Variants in BRSK2 observed in about 807,000 individuals in gnomAD.
BRSK2 encodes BR serine/threonine kinase 2.
BRSK2 carries 19 observed loss-of-function variants against 83.3 expected under a neutral mutation model. That is an observed-to-expected ratio of 0.23 (90% confidence interval 0.16 to 0.33). The LOEUF (loss-of-function observed/expected upper bound fraction) is 0.33. Among genes scored for constraint, BRSK2 ranks in the 10% least tolerant of loss-of-function variants. The pLI is 1.00. For missense variants in BRSK2, 798 were observed against 1,042.3 expected (o/e 0.77, Z 3.23); for synonymous variants, 519 against 435.4 (o/e 1.19, Z -2.39).
Position 1,449,765 on chromosome 11 carries a change from G to A in BRSK2, c.1227-11G>A, listed in dbSNP as rs1431192563. The A allele has an allele frequency of 6.2e-7, 1 of 1,611,286 alleles. No homozygotes were observed. The highest frequency in any genetic ancestry group is 8.5e-7 in the Non-Finnish European group (1 of 1,179,054). ...TGGCTGAGCAGTGGCCCTGTACCTT[G>A]TGACCTCCAGGTCTCGGTCCATCAG... is the stretch of plus-strand genomic sequence containing the variant. On this transcript the variant is annotated splice_polypyrimidine_tract_variant and intron_variant, in intron 12 of 19. Coordinates refer to ENST00000528841, the MANE Select transcript of BRSK2 (RefSeq NM_001256627.2).
At chr11:1,444,868 GCT>G (rs1292570765) in intron 8 of BRSK2, 101 bp from the exon 9 acceptor site, 13 of 1,065,734 alleles carry the variant, frequency 1.2e-5, no homozygotes, top group Non-Finnish European at 1.7e-5. Context: ...ACCCTCTCCT[GCT>G]CTCTCCGTGC....
intron 12 of BRSK2, 102 bp from the exon 13 acceptor site, chr11:1,449,674 C>T (rs1845562801): frequency 1.0e-6 from 1 of 989,542 alleles, no homozygotes; most frequent in Non-Finnish European, 1.5e-6. Context: ...TTGGCCCGGG[C>T]TCCAGGCCTC....
chr11:1,408,776 TG>T (rs879891493), intron 1 of BRSK2, among the ~76,000 whole-genome samples: 40,513 of 121,162 alleles, frequency 0.33, 5,551 homozygotes, highest in Middle Eastern at 0.47. Flanking sequence ...TGTGTGTGTG[TG>T]TTTGGCTGTG....
At position 1,444,379 on chromosome 11, in the gene BRSK2, G is replaced by C. The variant is rs115241514; in HGVS notation, c.781-592G>C. Among the ~76,000 whole-genome samples the C allele has an allele frequency of 3.7e-3, 560 of 152,270 alleles. 2 individuals are homozygous for C. Among genetic ancestry groups the C allele is most frequent in the African/African-American group, 0.013 (533 of 41,542 alleles). ...GGGCTGACCCTTCCAGGGTAGCGTT[G>C]ACCTGTTCCCAAGTGGCCACTGCCT... On this transcript the variant is annotated intron_variant, in intron 8 of 19. Coordinates refer to ENST00000528841, the MANE Select transcript of BRSK2 (RefSeq NM_001256627.2).
At chr11:1,440,750 G>A (rs1851117614) in intron 3 of BRSK2, 38 bp from the exon 4 acceptor site, 2 of 1,539,742 alleles carry the variant, frequency 1.3e-6, no homozygotes, top group East Asian at 2.4e-5. Flanking sequence ...GCGGCGGGCA[G>A]CCACAGCTGG....
intron 1 of BRSK2, among the ~76,000 whole-genome samples, chr11:1,428,424 C>T (rs990294996): frequency 2.0e-4 from 31 of 152,336 alleles, no homozygotes; most frequent in African/African-American, 7.2e-4. Context: ...GTCCACTGTC[C>T]TCACAGCCCT....
intron 15 of BRSK2, among the ~76,000 whole-genome samples, chr11:1,451,720 C>G (rs1043325780): frequency 1.3e-5 from 2 of 152,134 alleles, no homozygotes; most frequent in Non-Finnish European, 2.9e-5. Flanking sequence ...GGCCTGAGCT[C>G]GCCAAGGGCA....
At chr11:1,420,157 CGTGCATGTGTGCGTGT>C (rs1239078302) in intron 1 of BRSK2, among the ~76,000 whole-genome samples, 2 of 152,216 alleles carry the variant, frequency 1.3e-5, no homozygotes, top group South Asian at 2.1e-4. Flanking sequence ...AGTGTGCGTG[CGTGCATGTGTGCGTGT>C]GTGCATGTGT....
chr11:1,394,854 C>T (rs1304119660), intron 1 of BRSK2, among the ~76,000 whole-genome samples: 21 of 68,908 alleles, frequency 3.0e-4, no homozygotes, highest in Middle Eastern at 8.5e-3. Context: ...TGGAGATGGG[C>T]CCCTGGAGAT....
intron 1 of BRSK2, among the ~76,000 whole-genome samples, chr11:1,408,080 A>ATAC (rs1300100124): frequency 6.6e-6 from 1 of 152,128 alleles, no homozygotes; most frequent in Non-Finnish European, 1.5e-5. Context: ...TTTGAGCCCC[A>ATAC]TACTCTCTGC....
intron 1 of BRSK2, among the ~76,000 whole-genome samples, chr11:1,399,936 G>A (rs572778124): frequency 4.6e-5 from 7 of 152,218 alleles, no homozygotes; most frequent in Admixed American, 2.0e-4. Context: ...CAAGCCTGGC[G>A]AGCACCGCCT....
intron 1 of BRSK2, among the ~76,000 whole-genome samples, chr11:1,396,820 A>G (rs977372024): frequency 1.3e-5 from 2 of 152,298 alleles, no homozygotes; most frequent in Admixed American, 1.3e-4. Flanking sequence ...CTGTGCCTAG[A>G]TGGTGGCACT....
rs763124730 is a variant in BRSK2 at position 1,443,185 on chromosome 11, G to A, written c.564+46G>A. The A allele has an allele frequency of 8.2e-5, 125 of 1,533,176 alleles. No individual in the cohort carries two copies. In the Admixed American group the frequency reaches 1.2e-3, roughly 15 times the overall value. 95.0% of individuals were successfully genotyped at this position (1,533,176 alleles called of 1,614,324 possible). A position where few individuals can be genotyped will look rare whatever the true frequency, so the allele number is the denominator to read the frequency against. ...GCAGCTCTGTGGGGCCCAGGGTGGC[G>A]GGGACCTGACCCTGGTGGGACCCCA... On this transcript the variant is annotated intron_variant, in intron 6 of 19. Transcript: ENST00000528841.
At chr11:1,408,906 G>C (rs139809339) in intron 1 of BRSK2, among the ~76,000 whole-genome samples, 1 of 150,984 alleles carries the variant, frequency 6.6e-6, no homozygotes, top group Non-Finnish European at 1.5e-5. Flanking sequence ...AGGTTTATGT[G>C]TGTCTGCCTG....
chr11:1,444,896 C>G, intron 8 of BRSK2, 75 bp from the exon 9 acceptor site: 136 of 1,414,560 alleles, frequency 9.6e-5, no homozygotes, highest in Middle Eastern at 3.5e-4. Flanking sequence ...GCGCCCCTGC[C>G]TTCCCCCTCA....
intron 1 of BRSK2, among the ~76,000 whole-genome samples, chr11:1,399,448 G>A (rs913059134): frequency 2.0e-5 from 3 of 152,194 alleles, no homozygotes; most frequent in Admixed American, 6.5e-5. Flanking sequence ...CTCAGATGGC[G>A]TCACTGTGTT....
chr11:1,407,786 C>T (rs747689057), intron 1 of BRSK2, among the ~76,000 whole-genome samples: 20 of 152,372 alleles, frequency 1.3e-4, no homozygotes, highest in African/African-American at 2.9e-4. Flanking sequence ...GATTGGGTCC[C>T]GCCGCCTCCA....
chr11:1,454,703 T>C lies in BRSK2; in HGVS notation c.1668+95T>C. On this transcript the variant is annotated intron_variant, in intron 16 of 19. Coordinates refer to ENST00000528841, the MANE Select transcript of BRSK2 (RefSeq NM_001256627.2). This position sits in a 1 kb window ranked among gnomAD's most constrained non-coding sequence, Gnocchi z 5.2. ...AGCCTCCTCACGTAGACAGGACATG[T>C]CCACGCGCACAGCACGGACGTCCGC... 1 of 1,495,024 alleles carries C rather than the reference T, an allele frequency of 6.7e-7. No homozygotes were observed. Among genetic ancestry groups the C allele is most frequent in the Admixed American group, 1.8e-5 (1 of 55,566 alleles). 92.6% of individuals were successfully genotyped at this position (1,495,024 alleles called of 1,614,324 possible).
At chr11:1,444,115 A>G (rs1008561534) in intron 8 of BRSK2, among the ~76,000 whole-genome samples, 1 of 152,032 alleles carries the variant, frequency 6.6e-6, no homozygotes, top group Admixed American at 6.5e-5. Context: ...GTGCACATGT[A>G]GGTGAGACCT....
Sources: gnomAD v4.1 joint callset for allele counts (sites outside exome capture counted in the v4.1 genomes callset) on GRCh38, gnomAD v4.1.1 for gene constraint, Gnocchi (gnomAD v3.1) non-coding constraint, MANE v1.5 for transcripts, NCBI Gene and HGNC (gene_info 2026-07-23, HGNC 2026-07-21) for gene names.